The following MYO9B variants were observed in gnomAD, a reference collection of about 807,000 sequenced individuals.
The protein encoded by MYO9B is myosin IXB.
Under a neutral mutation model 229.5 loss-of-function variants are expected in MYO9B, and 71 were observed. The ratio of observed to expected loss-of-function variants is 0.31; its 90% CI spans 0.26 to 0.38. MYO9B has a LOEUF of 0.38. Ranked by LOEUF, MYO9B falls within the 10% of genes least tolerant of loss-of-function variation. The pLI is 1.00. For missense variants in MYO9B, 2,255 were observed against 2,920.5 expected, an observed-to-expected ratio of 0.77 and a Z score of 5.25; for synonymous variants, 1,185 against 1,235.8, an observed-to-expected ratio of 0.96 and a Z score of 0.86.
At chr19:17,205,883 G>GGAGGGA in intron 31 of MYO9B, 77 bp from the exon 32 acceptor site, 1 of 1,404,142 alleles carries the variant, frequency 7.1e-7, no homozygotes, top group Non-Finnish European at 9.5e-7. Flanking sequence ...TGCGGGACCA[G>GGAGGGA]GAGGCAGAGG....
chr19:17,138,056 C>A (rs28473332), intron 2 of MYO9B, among the ~76,000 whole-genome samples: 2 of 151,886 alleles, frequency 1.3e-5, no homozygotes, highest in African/African-American at 4.8e-5. Flanking sequence ...CTCCTAGCCC[C>A]CTACCCCCTA....
intron 28 of MYO9B, 42 bp downstream of exon 28, chr19:17,202,345 G>A (rs530507593): frequency 7.4e-5 from 112 of 1,511,096 alleles, no homozygotes; most frequent in South Asian, 2.4e-4. Flanking sequence ...GACATGCCAC[G>A]CCTACCCATG....
At chr19:17,179,567 C>T (rs1349296802) in intron 14 of MYO9B, among the ~76,000 whole-genome samples, 1 of 151,302 alleles carries the variant, frequency 6.6e-6, no homozygotes, top group Non-Finnish European at 1.5e-5. Flanking sequence ...ACTGGGACTA[C>T]AGGCATGCGC....
Position 17,202,851 on chromosome 19 carries a change from G to T in MYO9B, c.4846G>T (p.Ala1616Ser), listed in dbSNP as rs1229961729. The change falls in exon 29 of 40, where the codon GCT becomes TCT. Residue 1616 changes from alanine (A) to serine (S), a missense_variant. Physicochemically the swap from Ala to Ser is moderately conservative, Grantham distance 99. Coordinates refer to ENST00000682292, the MANE Select transcript of MYO9B (RefSeq NM_004145.4). ...CTTGTGTTCCTCACAGCAGAGCAAA[G>T]CTCAGAAGAAGAAGCGGAAGCAGGA... ...NDFEPVKQSK[A>S]QKKKRKQERA... is the part of the protein sequence containing the mutation. The T allele has an allele frequency of 6.3e-7, 1 of 1,599,528 alleles. No homozygotes were observed. The highest frequency in any genetic ancestry group is 8.5e-7 in the Non-Finnish European group (1 of 1,173,508).
intron 1 of MYO9B, among the ~76,000 whole-genome samples, chr19:17,094,097 G>A (rs944157432): frequency 7.5e-6 from 1 of 133,088 alleles, no homozygotes; most frequent in African/African-American, 3.0e-5. Context: ...GTGCAATGGC[G>A]CAATCTCGGC....
At chr19:17,116,991 G>A (rs535607132) in intron 2 of MYO9B, among the ~76,000 whole-genome samples, 1 of 152,194 alleles carries the variant, frequency 6.6e-6, no homozygotes, top group Non-Finnish European at 1.5e-5. Flanking sequence ...GCATCTAAGA[G>A]AAGAGTGAAA....
intron 2 of MYO9B, among the ~76,000 whole-genome samples, chr19:17,132,655 AG>A (rs2072216051): frequency 7.0e-6 from 1 of 143,214 alleles, no homozygotes; most frequent in Non-Finnish European, 1.5e-5. Flanking sequence ...CAACCTCCCG[AG>A]TAGCTGGGAC....
At chr19:17,167,291 G>A (rs1962601988) in intron 10 of MYO9B, among the ~76,000 whole-genome samples, 1 of 149,252 alleles carries the variant, frequency 6.7e-6, no homozygotes, top group South Asian at 2.1e-4. Flanking sequence ...CCTCAGTAAA[G>A]TATTTTTTAC....
Position 17,101,918 on chromosome 19 carries a change from G to A in MYO9B, c.201G>A (p.Glu67=), listed in dbSNP as rs181137797. 1.2e-6 allele frequency: 2 copies of A among 1,613,682 alleles called. No homozygotes were observed. The highest frequency in any genetic ancestry group is 1.7e-5 in the Admixed American group (1 of 59,986). Residue 67 remains glutamate (E), a synonymous_variant, in exon 2 of 40, where the codon GAG becomes GAA. Transcript: ENST00000682292. The surrounding 1 kb of genome is among the most constrained non-coding windows in gnomAD (Gnocchi z 4.7). ...GCACCAAATGTTATGTGCTGGTGGA[G>A]GTCAAAGAGTCGGGAGGCGAGGAAT... is the stretch of plus-strand genomic sequence containing the variant. ...LDGTKCYVLV[E]VKESGGEEWV...
In MYO9B at chr19:17,205,998, C is replaced by A; in HGVS notation, c.5103C>A (p.Cys1701Ter). ...TTGAGCCTGGCCACTTCGGCGTGTGCGTAGACAGCCTGACCAGCGACAAGG... is the reference window on the plus strand; with the variant it reads ...TTGAGCCTGGCCACTTCGGCGTGTGAGTAGACAGCCTGACCAGCGACAAGG... The part of the protein sequence containing the change: ...PGVEPGHFGV[C>*]VDSLTSDKAS... Residue 1701 changes from cysteine to a stop codon, truncating the protein, a stop_gained, in exon 32 of 40, where the codon TGC becomes TGA. Coordinates refer to ENST00000682292, the MANE Select transcript of MYO9B (RefSeq NM_004145.4). LOFTEE classifies it high-confidence loss of function. 6.3e-7 allele frequency: 1 copy of A among 1,598,024 alleles called. No individual in the cohort carries two copies. The highest frequency in any genetic ancestry group is 8.5e-7 in the Non-Finnish European group (1 of 1,172,020).
chr19:17,208,222 C>T (rs1175175695), intron 35 of MYO9B, among the ~76,000 whole-genome samples: 14 of 146,408 alleles, frequency 9.6e-5, no homozygotes, highest in African/African-American at 2.8e-4. Context: ...GCCTGTAATC[C>T]CAGCTACTCG....
At chr19:17,108,204 G>A (rs1484150018) in intron 2 of MYO9B, among the ~76,000 whole-genome samples, 5 of 152,332 alleles carry the variant, frequency 3.3e-5, no homozygotes, top group Admixed American at 2.0e-4. Context: ...TCAGCAGCGG[G>A]GGCTGGCGAG....
At chr19:17,178,754 C>A (rs1009947765) in intron 14 of MYO9B, among the ~76,000 whole-genome samples, 1 of 151,860 alleles carries the variant, frequency 6.6e-6, no homozygotes, top group South Asian at 2.1e-4. Flanking sequence ...TTTCTCTGGC[C>A]GGGCGCAGTG....
chr19:17,162,944 G>T, intron 9 of MYO9B, 44 bp from the exon 10 acceptor site: 1 of 1,589,816 alleles, frequency 6.3e-7, no homozygotes, highest in Non-Finnish European at 8.6e-7. Context: ...TGGCTCCCTC[G>T]GGGTGCACCT....
At chr19:17,152,763 C>G in intron 4 of MYO9B, 57 bp downstream of exon 4, 2 of 1,449,540 alleles carry the variant, frequency 1.4e-6, no homozygotes, top group Non-Finnish European at 1.9e-6. Context: ...ACGTTTCCTC[C>G]TACAGAGGAG....
intron 37 of MYO9B, 123 bp from the exon 38 acceptor site, chr19:17,210,592 G>A: frequency 2.3e-6 from 3 of 1,318,582 alleles, no homozygotes; most frequent in Non-Finnish European, 3.0e-6. Flanking sequence ...GATTCCTAGA[G>A]AAGTCTCACT....
intron 3 of MYO9B, among the ~76,000 whole-genome samples, chr19:17,147,076 G>A (rs1311724551): frequency 6.6e-6 from 1 of 152,108 alleles, no homozygotes; most frequent in East Asian, 1.9e-4. Context: ...CTGGCCCCTC[G>A]GCCTCAGCCC....
intron 1 of MYO9B, among the ~76,000 whole-genome samples, chr19:17,076,101 G>T (rs1030798981): frequency 2.7e-5 from 2 of 74,766 alleles, no homozygotes; most frequent in South Asian, 3.6e-4. Context: ...TCGAGGGCGT[G>T]GGGGGGGTGA....
At chr19:17,085,082 C>T (rs1326833587) in intron 1 of MYO9B, among the ~76,000 whole-genome samples, 4 of 152,092 alleles carry the variant, frequency 2.6e-5, no homozygotes, top group South Asian at 4.1e-4. Flanking sequence ...TCTCCCCTGC[C>T]TTTGTGGTGT....
Sources: allele counts gnomAD v4.1 joint callset (sites outside exome capture counted in the v4.1 genomes callset), GRCh38; gene constraint gnomAD v4.1.1; non-coding constraint Gnocchi (gnomAD v3.1); transcripts MANE v1.5; gene names NCBI Gene and HGNC (gene_info 2026-07-23, HGNC 2026-07-21).